Variants in PTPRT observed in about 807,000 individuals in gnomAD.
PTPRT encodes receptor-type tyrosine-protein phosphatase T.
Under a neutral mutation model 176.8 loss-of-function variants are expected in PTPRT, and 56 were observed. The ratio of observed to expected loss-of-function variants is 0.32; its 90% CI spans 0.26 to 0.40. The LOEUF (loss-of-function observed/expected upper bound fraction) is 0.40. Among genes scored for constraint, PTPRT ranks in the 10% least tolerant of loss-of-function variants. The probability of loss-of-function intolerance (pLI) is 1.00; values close to 1 mark genes in which losing one functional copy is unlikely to be tolerated. For missense variants in PTPRT, 1,540 were observed against 1,908.2 expected (o/e 0.81, Z 3.60); for synonymous variants, 783 against 739.0 (o/e 1.06, Z -0.96).
chr20:42,087,118 A>T (rs1017593713), intron 27 of PTPRT, among the ~76,000 whole-genome samples: 8 of 151,716 alleles, frequency 5.3e-5, no homozygotes, highest in African/African-American at 1.7e-4. Flanking sequence ...AGTAGAGGAG[A>T]GGATGCTACT....
At chr20:42,149,098 C>T (rs767500743) in intron 17 of PTPRT, among the ~76,000 whole-genome samples, 29 of 152,226 alleles carry the variant, frequency 1.9e-4, no homozygotes, top group Non-Finnish European at 2.8e-4. Flanking sequence ...CCAACTTGTT[C>T]ACCTCCAGGA....
intron 9 of PTPRT, among the ~76,000 whole-genome samples, chr20:42,424,487 T>C (rs1163396910): frequency 2.0e-5 from 3 of 152,152 alleles, no homozygotes; most frequent in East Asian, 1.9e-4. Flanking sequence ...GGGATACTTG[T>C]CTGAGGGGGC....
At chr20:42,839,050 T>C (rs2078231390) in intron 2 of PTPRT, among the ~76,000 whole-genome samples, 1 of 152,098 alleles carries the variant, frequency 6.6e-6, no homozygotes. Flanking sequence ...TATGACCTCC[T>C]AGAGGCCAGG....
At chr20:42,068,233 G>A (rs1982161474), downstream of PTPRT, among the ~76,000 whole-genome samples, 1 of 152,174 alleles carries the variant, frequency 6.6e-6, no homozygotes, top group African/African-American at 2.4e-5. Context: ...GGAAACAAGA[G>A]CTGCAGAGCC....
chr20:42,500,639 G>A (rs930954190), intron 7 of PTPRT, among the ~76,000 whole-genome samples: 53 of 152,174 alleles, frequency 3.5e-4, no homozygotes, highest in African/African-American at 1.3e-3. Flanking sequence ...TAGATGTAGT[G>A]TTGGTGCATC....
chr20:42,603,876 T>G (rs1239395696), intron 7 of PTPRT, among the ~76,000 whole-genome samples: 1 of 152,156 alleles, frequency 6.6e-6, no homozygotes, highest in Non-Finnish European at 1.5e-5. Context: ...CCAGACTCCC[T>G]CCTCCATGCA....
chr20:42,250,443 C>T (rs6072669), intron 13 of PTPRT, among the ~76,000 whole-genome samples: 10 of 152,190 alleles, frequency 6.6e-5, no homozygotes, highest in African/African-American at 2.4e-4. Context: ...AGCTATGGTC[C>T]TGATTCCCAA....
At chr20:42,071,158 A>G (rs957770098), downstream of PTPRT, among the ~76,000 whole-genome samples, 1 of 152,084 alleles carries the variant, frequency 6.6e-6, no homozygotes, top group African/African-American at 2.4e-5. Flanking sequence ...GGTTCCCAAG[A>G]CTGCAAGAGA....
At chr20:42,124,944 G>A (rs1310765931) in intron 19 of PTPRT, among the ~76,000 whole-genome samples, 2 of 152,116 alleles carry the variant, frequency 1.3e-5, no homozygotes, top group Admixed American at 6.5e-5. Context: ...TTTAGTCAAT[G>A]GGGAACAAAA....
At chr20:43,019,348 C>G (rs781564367) in intron 1 of PTPRT, among the ~76,000 whole-genome samples, 2 of 152,140 alleles carry the variant, frequency 1.3e-5, no homozygotes, top group Non-Finnish European at 1.5e-5. Flanking sequence ...TGGCCGGGCA[C>G]AGTGGCTCAC....
intron 9 of PTPRT, among the ~76,000 whole-genome samples, chr20:42,443,696 A>C (rs527737333): frequency 1.3e-5 from 2 of 152,264 alleles, no homozygotes; most frequent in Admixed American, 1.3e-4. Context: ...TGAGACACCC[A>C]TCTTTCAGGG....
At chr20:42,420,595 A>C (rs2059109426) in intron 9 of PTPRT, among the ~76,000 whole-genome samples, 1 of 152,154 alleles carries the variant, frequency 6.6e-6, no homozygotes, top group Non-Finnish European at 1.5e-5. Context: ...CAAGGGATTC[A>C]ACTCACCTTG....
At chr20:43,091,862 T>G (rs2011892351) in intron 1 of PTPRT, among the ~76,000 whole-genome samples, 1 of 152,064 alleles carries the variant, frequency 6.6e-6, no homozygotes, top group Admixed American at 6.5e-5. Context: ...GACATCCGCT[T>G]CCTCCACTCA....
intron 13 of PTPRT, among the ~76,000 whole-genome samples, chr20:42,257,071 A>C (rs1198482893): frequency 1.3e-5 from 2 of 152,216 alleles, no homozygotes; most frequent in East Asian, 3.9e-4. Flanking sequence ...ATAGGGCAAC[A>C]GTAAAGGATG....
chr20:42,608,074 C>A (rs538649024), intron 7 of PTPRT, among the ~76,000 whole-genome samples: 60 of 152,274 alleles, frequency 3.9e-4, no homozygotes, highest in African/African-American at 1.3e-3. Context: ...GAGACTCAGA[C>A]CAGTAAAGCT....
At chr20:42,960,289 G>A (rs1323811712) in intron 1 of PTPRT, among the ~76,000 whole-genome samples, 3 of 152,182 alleles carry the variant, frequency 2.0e-5, no homozygotes, top group African/African-American at 4.8e-5. Flanking sequence ...AGATCAAGGT[G>A]CTGGCAGGTT....
At chr20:42,061,853 G>T in the PTPRT span, among the ~76,000 whole-genome samples, 185 of 152,334 alleles carry the variant, frequency 1.2e-3, 3 homozygotes, top group Non-Finnish European at 2.8e-4. Flanking sequence ...GGTTGGGAAG[G>T]TGTTGCCACA....
At chr20:42,603,664 G>A (rs926786734) in intron 7 of PTPRT, among the ~76,000 whole-genome samples, 17 of 152,188 alleles carry the variant, frequency 1.1e-4, no homozygotes, top group Admixed American at 1.0e-3. Context: ...GCTCAATCTC[G>A]ATAAGAAGTG....
At chr20:43,161,924 A>G (rs2014711099) in intron 1 of PTPRT, among the ~76,000 whole-genome samples, 2 of 152,186 alleles carry the variant, frequency 1.3e-5, no homozygotes, top group South Asian at 4.1e-4. Context: ...TTAGAACAAC[A>G]TTTTAGAGCA....
Sources: allele counts gnomAD v4.1 joint callset (sites outside exome capture counted in the v4.1 genomes callset), GRCh38; gene constraint gnomAD v4.1.1; transcripts MANE v1.5; gene names NCBI Gene and HGNC (gene_info 2026-07-23, HGNC 2026-07-21).